The following ANK3 variants were observed in gnomAD, a reference collection of about 807,000 sequenced individuals.
The protein encoded by ANK3 is ankyrin-3.
A neutral mutation model predicts 370.9 loss-of-function variants in ANK3; 57 were observed. The ratio of observed to expected loss-of-function variants is 0.15; its 90% CI spans 0.12 to 0.19. ANK3 has a LOEUF of 0.19. ANK3 is among the 10% of genes least tolerant of loss of function. The pLI is 1.00. For synonymous variants in ANK3, 1,929 were observed against 1,946.3 expected, an observed-to-expected ratio of 0.99 and a Z score of 0.23; for missense variants, 4,439 against 5,302.1, an observed-to-expected ratio of 0.84 and a Z score of 5.06.
chr10:60,155,862 A>T (rs1281336447), intron 23 of ANK3, among the ~76,000 whole-genome samples: 2 of 152,204 alleles, frequency 1.3e-5, no homozygotes, highest in Non-Finnish European at 2.9e-5. Flanking sequence ...TCTTGGACCT[A>T]CACCAGTGAT....
rs2082939293 is a variant in ANK3 at position 60,072,565 on chromosome 10, G to T, written c.8316C>A (p.Asp2772Glu). 1.9e-6 allele frequency: 3 copies of T among 1,613,594 alleles called. No individual in the cohort carries two copies. Among genetic ancestry groups the T allele is most frequent in the Non-Finnish European group, 2.5e-6 (3 of 1,179,888 alleles). ...GCACAGATACACTTTCATCTGGGAG[G>T]TCTATGGCCTTCTGCTGTTTTTCTC... is the stretch of plus-strand genomic sequence containing the variant. ...FAREKQQKAI[D>E]LPDESVSVQK... The change falls in exon 37 of 44, where the codon GAC (aspartate) becomes GAA (glutamate). Residue 2772 changes from aspartate to glutamate, a missense_variant. Transcript: ENST00000280772.
At chr10:60,056,908 C>G (rs2079284383) in intron 41 of ANK3, among the ~76,000 whole-genome samples, 1 of 152,052 alleles carries the variant, frequency 6.6e-6, no homozygotes, top group East Asian at 1.9e-4. Flanking sequence ...GCCTGTAGTC[C>G]CAGCTACTTG....
At position 60,337,090 on chromosome 10, in the gene ANK3, G is replaced by A. The variant is rs181451806; in HGVS notation, c.114+52335C>T. 4.3e-4 allele frequency among the ~76,000 whole-genome samples: 65 copies of A among 152,262 alleles called. 1 individual carries two copies. In the East Asian group the frequency reaches 0.012, roughly 28 times the overall value. On this transcript the variant is annotated intron_variant, in intron 1 of 43. Transcript: ENST00000280772. ...TTGCCAAGACCAAATTATGCAGTGG[G>A]GCTCTCTGGGAAGACAGTTGGGCAG... is the stretch of plus-strand genomic sequence containing the variant.
At chr10:60,323,621 G>A (rs1258296914) in intron 1 of ANK3, among the ~76,000 whole-genome samples, 1 of 152,144 alleles carries the variant, frequency 6.6e-6, no homozygotes, top group African/African-American at 2.4e-5. Context: ...ATATTGCCAG[G>A]TTTTTTAAGC....
At chr10:60,362,842 G>A (rs776451900) in intron 1 of ANK3, among the ~76,000 whole-genome samples, 4 of 152,092 alleles carry the variant, frequency 2.6e-5, no homozygotes, top group Non-Finnish European at 4.4e-5. Context: ...GATGATGACC[G>A]CAGAACCAGG....
intron 1 of ANK3, among the ~76,000 whole-genome samples, chr10:60,309,899 C>A (rs2045959418): frequency 6.7e-6 from 1 of 150,256 alleles, no homozygotes. Context: ...TCAGTGAAAT[C>A]AATTTCTTTT....
At chr10:60,362,041 A>C (rs1486767666) in intron 1 of ANK3, among the ~76,000 whole-genome samples, 1 of 152,194 alleles carries the variant, frequency 6.6e-6, no homozygotes, top group African/African-American at 2.4e-5. Flanking sequence ...GCATAATTTC[A>C]GCTTTGTAAG....
chr10:60,665,731 C>A (rs1257678199), intron 1 of ANK3, among the ~76,000 whole-genome samples: 1 of 152,146 alleles, frequency 6.6e-6, no homozygotes, highest in Non-Finnish European at 1.5e-5. Context: ...TTTCTGCCAA[C>A]CTAGTATCAC....
intron 1 of ANK3, among the ~76,000 whole-genome samples, chr10:60,728,252 G>A (rs541911190): frequency 3.9e-5 from 6 of 152,170 alleles, no homozygotes; most frequent in African/African-American, 9.6e-5. Flanking sequence ...AAATGTTTCC[G>A]TTCTTCTACA....
chr10:60,255,428 A>G (rs1449303511), intron 7 of ANK3, among the ~76,000 whole-genome samples: 1 of 152,232 alleles, frequency 6.6e-6, no homozygotes, highest in African/African-American at 2.4e-5. Context: ...CATGGTAAGC[A>G]CCTGGGGACC....
chr10:60,428,358 A>G (rs1365872842), intron 2 of ANK3, among the ~76,000 whole-genome samples: 1 of 152,150 alleles, frequency 6.6e-6, no homozygotes, highest in East Asian at 1.9e-4. Flanking sequence ...CTGAAAACAC[A>G]ACTCCTCATT....
At chr10:60,049,535 C>A (rs916053920) in intron 42 of ANK3, among the ~76,000 whole-genome samples, 1 of 151,702 alleles carries the variant, frequency 6.6e-6, no homozygotes, top group African/African-American at 2.4e-5. Context: ...TGCAGTGAGC[C>A]GAGATTACAC....
In ANK3 at chr10:60,310,621, C is replaced by T. The variant is rs977820662; in HGVS notation, c.115-30982G>A. The stretch of plus-strand genomic sequence containing the variant: ...AGAACAAATTAATAAATCAATGTGA[C>T]GGTGCATTAAGAAGAAAATCTAGAC... On this transcript the variant is annotated intron_variant, in intron 1 of 43. Transcript: ENST00000280772. 5.3e-5 allele frequency among the ~76,000 whole-genome samples: 8 copies of T among 152,260 alleles called. No homozygotes were observed. In the South Asian group the frequency reaches 6.2e-4, roughly 12 times the overall value.
intron 2 of ANK3, among the ~76,000 whole-genome samples, chr10:60,409,128 CTGCAGTGAGGG>C (rs1411605528): frequency 2.0e-5 from 3 of 152,172 alleles, no homozygotes; most frequent in Non-Finnish European, 4.4e-5. Flanking sequence ...ATAGCTAGCA[CTGCAGTGAGGG>C]TTACAGCTGA....
intron 1 of ANK3, among the ~76,000 whole-genome samples, chr10:60,646,157 G>GA (rs112918350): frequency 2.6e-4 from 39 of 150,436 alleles, no homozygotes; most frequent in East Asian, 1.4e-3. Context: ...TTGTGGAAAT[G>GA]AAAAAAAAGA....
chr10:60,472,238 G>A (rs1224372499), intron 2 of ANK3, among the ~76,000 whole-genome samples: 1 of 152,144 alleles, frequency 6.6e-6, no homozygotes, highest in Non-Finnish European at 1.5e-5. Context: ...TTACCTAGCA[G>A]TGCTGAAATC....
At chr10:60,486,074 G>A (rs748330344) in intron 2 of ANK3, among the ~76,000 whole-genome samples, 2 of 152,076 alleles carry the variant, frequency 1.3e-5, no homozygotes, top group African/African-American at 4.8e-5. Flanking sequence ...ATAGGCTGAT[G>A]CTCCAGTTTT....
At chr10:60,714,770 C>T (rs1277691892) in intron 1 of ANK3, among the ~76,000 whole-genome samples, 1 of 152,134 alleles carries the variant, frequency 6.6e-6, no homozygotes, top group African/African-American at 2.4e-5. Flanking sequence ...AGGCCAATTG[C>T]TTAAGCCCCT....
chr10:60,401,768 T>C (rs769657357), intron 2 of ANK3, among the ~76,000 whole-genome samples: 1 of 152,166 alleles, frequency 6.6e-6, no homozygotes, highest in Admixed American at 6.5e-5. Context: ...CACATTTAGA[T>C]TGCCTCCAAT....
Sources: allele counts gnomAD v4.1 joint callset (sites outside exome capture counted in the v4.1 genomes callset), GRCh38; gene constraint gnomAD v4.1.1; transcripts MANE v1.5; gene names NCBI Gene and HGNC (gene_info 2026-07-23, HGNC 2026-07-21).